The following JPH2 variants were observed in gnomAD, a reference collection of about 807,000 sequenced individuals.
JPH2 encodes junctophilin 2.
Under a neutral mutation model 55.9 loss-of-function variants are expected in JPH2, and 38 were observed. The ratio of observed to expected loss-of-function variants is 0.68; its 90% CI spans 0.52 to 0.89. JPH2 has a LOEUF of 0.89. Among genes scored for constraint, JPH2 ranks in the 40% least tolerant of loss-of-function variants. The probability of loss-of-function intolerance (pLI) is 0.00; values close to 1 mark genes in which losing one functional copy is unlikely to be tolerated. For missense variants in JPH2, 964 were observed against 1,037.6 expected (o/e 0.93, Z 0.97); for synonymous variants, 480 against 472.4 (o/e 1.02, Z -0.21).
At chr20:44,171,631 C>T (rs78845572) in intron 1 of JPH2, among the ~76,000 whole-genome samples, 15,450 of 152,120 alleles carry the variant, frequency 0.1, 829 homozygotes, top group Middle Eastern at 0.13. Context: ...CAGGTCCCAC[C>T]TCCAAGCCTT....
intron 2 of JPH2, among the ~76,000 whole-genome samples, chr20:44,128,717 C>T (rs1207705212): frequency 2.6e-5 from 4 of 151,798 alleles, no homozygotes; most frequent in Non-Finnish European, 4.4e-5. Flanking sequence ...TACAGAGTCT[C>T]GCTCTGTTGC....
intron 2 of JPH2, among the ~76,000 whole-genome samples, chr20:44,152,681 T>C (rs1006719234): frequency 3.1e-4 from 47 of 152,190 alleles, no homozygotes; most frequent in African/African-American, 1.0e-3. Flanking sequence ...CAGGCCCTCT[T>C]CCCTCTGGTG....
At chr20:44,171,708 C>T (rs2072700122) in intron 1 of JPH2, among the ~76,000 whole-genome samples, 1 of 152,192 alleles carries the variant, frequency 6.6e-6, no homozygotes, top group Non-Finnish European at 1.5e-5. Flanking sequence ...TCTATTCATC[C>T]TGCATATCTC....
chr20:44,186,284 C>A, intron 1 of JPH2, 43 bp downstream of exon 1: 1 of 1,603,604 alleles, frequency 6.2e-7, no homozygotes, highest in Non-Finnish European at 8.5e-7. Flanking sequence ...TTCTCACCCT[C>A]CCTGGCTCCA....
At position 44,134,365 on chromosome 20, in the gene JPH2, T is replaced by TATTATAAATATATATA. The variant is rs1265138357; in HGVS notation, c.1170-15758_1170-15743dup. Among the ~76,000 whole-genome samples the TATTATAAATATATATA allele has an allele frequency of 2.7e-4, 5 of 18,462 alleles. 2 individuals are homozygous for TATTATAAATATATATA. The highest frequency in any genetic ancestry group is 5.4e-4 in the African/African-American group (2 of 3,688). The allele number at this position is 18,462 out of a possible 152,430, so 12.1% of individuals were successfully genotyped here. On this transcript the variant is annotated intron_variant, in intron 2 of 5. Coordinates refer to ENST00000372980, the MANE Select transcript of JPH2 (RefSeq NM_020433.5). The stretch of plus-strand genomic sequence containing the variant: ...AATATTTATTATAAATATATATATT[T>TATTATAAATATATATA]ATTATAAATATATATAAATAAATAT...
chr20:44,120,520 T>C (rs1274076034), intron 2 of JPH2, among the ~76,000 whole-genome samples: 1 of 152,184 alleles, frequency 6.6e-6, no homozygotes, highest in Non-Finnish European at 1.5e-5. Flanking sequence ...GCTGTTATTA[T>C]TATCCCTATT....
At chr20:44,168,829 T>C (rs956076937) in intron 1 of JPH2, among the ~76,000 whole-genome samples, 3 of 152,228 alleles carry the variant, frequency 2.0e-5, no homozygotes, top group African/African-American at 7.2e-5. Context: ...TGTTGAAATG[T>C]TATCCTCAGT....
rs2294893 is a variant in JPH2 at position 44,111,927 on chromosome 20, T to C, written c.*1591A>G. 46,442 of 152,236 alleles carry C rather than the reference T, an allele frequency of 0.31. 7,334 individuals are homozygous for C. The highest frequency in any genetic ancestry group is 0.47 in the East Asian group (2,420 of 5,140). The allele number at this position is 152,236 out of a possible 1,614,324, so 9.4% of individuals were successfully genotyped here. ...CCATTCCCCTCATGCTCCAGGAGTC[T>C]TGAGAAGCTCAGATGCAGATGCAGA... On this transcript the variant is annotated 3_prime_UTR_variant, in exon 6 of 6. Transcript: ENST00000372980.
At chr20:44,172,461 A>G (rs181807881) in intron 1 of JPH2, among the ~76,000 whole-genome samples, 103 of 152,130 alleles carry the variant, frequency 6.8e-4, no homozygotes, top group Admixed American at 5.8e-3. Context: ...AGTAACCTGT[A>G]TGTGTGTATA....
intron 1 of JPH2, among the ~76,000 whole-genome samples, chr20:44,180,205 C>T (rs929831741): frequency 1.7e-4 from 26 of 152,054 alleles, no homozygotes; most frequent in African/African-American, 4.8e-4. Flanking sequence ...GTGACAAGAG[C>T]GGAATTCCGT....
chr20:44,109,502 G>A lies in JPH2; in HGVS notation c.*4016C>T, dbSNP rs1600825269. ...ACAGCTGTTCTGCCACCACATACAG[G>A]AGGTGAAGGGCTTAGCACAGGGCCT... On this transcript the variant is annotated 3_prime_UTR_variant, in exon 6 of 6. Transcript: ENST00000372980. Among the ~76,000 whole-genome samples the A allele has an allele frequency of 1.3e-5, 2 of 152,166 alleles. No homozygotes were observed. Among genetic ancestry groups the A allele is most frequent in the East Asian group, 1.9e-4 (1 of 5,194 alleles).
At chr20:44,165,291 G>GAAA (rs34785471) in intron 1 of JPH2, among the ~76,000 whole-genome samples, 9 of 144,862 alleles carry the variant, frequency 6.2e-5, no homozygotes, top group African/African-American at 1.8e-4. Flanking sequence ...AGCTTTTCAG[G>GAAA]AAAAAAAAAA....
intron 2 of JPH2, among the ~76,000 whole-genome samples, chr20:44,120,679 A>T (rs1226342942): frequency 6.6e-6 from 1 of 152,224 alleles, no homozygotes; most frequent in African/African-American, 2.4e-5. Flanking sequence ...GGCCAGAAGA[A>T]GAAGAATTGT....
At chr20:44,177,035 T>C in intron 1 of JPH2, 1 of 985,400 alleles carries the variant, frequency 1.0e-6, no homozygotes, top group African/African-American at 1.7e-5. Flanking sequence ...CTGGAGTTCC[T>C]AGCACACCTG....
chr20:44,143,105 A>G (rs767447158), intron 2 of JPH2, among the ~76,000 whole-genome samples: 2 of 152,178 alleles, frequency 1.3e-5, no homozygotes, highest in Non-Finnish European at 2.9e-5. Flanking sequence ...TTTTGGACAA[A>G]TGGAACAGCA....
At chr20:44,149,963 GAAAA>G (rs67234498) in intron 2 of JPH2, among the ~76,000 whole-genome samples, 1 of 11,458 alleles carries the variant, frequency 8.7e-5, no homozygotes, top group Non-Finnish European at 1.4e-4. Context: ...GGCGACAGAG[GAAAA>G]AAAAAAAAAA....
chr20:44,160,308 C>A lies in JPH2; in HGVS notation c.479G>T (p.Arg160Leu), dbSNP rs1296009403. Residue 160 changes from arginine to leucine, a missense_variant, in exon 2 of 6, where the codon CGC (arginine) becomes CTC (leucine). Coordinates refer to ENST00000372980, the MANE Select transcript of JPH2 (RefSeq NM_020433.5). This position sits in a 1 kb window ranked among gnomAD's most constrained non-coding sequence, Gnocchi z 4.9. The stretch of plus-strand genomic sequence containing the variant: ...GCTGCGCAGGGACGACAGCGACGTG[C>A]GCAGCGGCGAGCGCACCACCACGGC... ...GMAVVVRSPLRTSLSSLRSEH... is the reference protein window; with the variant it reads ...GMAVVVRSPLLTSLSSLRSEH... The A allele has an allele frequency of 6.4e-7, 1 of 1,554,360 alleles. No individual in the cohort carries two copies.
chr20:44,123,409 G>A (rs1204621116), intron 2 of JPH2, among the ~76,000 whole-genome samples: 1 of 152,072 alleles, frequency 6.6e-6, no homozygotes, highest in East Asian at 1.9e-4. Flanking sequence ...CACTCCTACA[G>A]CTGCTCCTAC....
intron 2 of JPH2, among the ~76,000 whole-genome samples, chr20:44,134,565 AAATATATATTTAT>A (rs2072381472): frequency 2.8e-5 from 1 of 35,730 alleles, no homozygotes; most frequent in African/African-American, 1.1e-4. Context: ...ATATATAAAT[AAATATATATTTAT>A]TATAAATATA....
Sources: allele counts gnomAD v4.1 joint callset (sites outside exome capture counted in the v4.1 genomes callset), GRCh38; gene constraint gnomAD v4.1.1; non-coding constraint Gnocchi (gnomAD v3.1); transcripts MANE v1.5; gene names NCBI Gene and HGNC (gene_info 2026-07-23, HGNC 2026-07-21).